The following MYEF2 variants were observed in gnomAD, a reference collection of about 807,000 sequenced individuals.
The protein encoded by MYEF2 is myelin gene expression factor 2.
A neutral mutation model predicts 75.2 loss-of-function variants in MYEF2; 37 were observed. The observed-to-expected ratio is 0.49, with a 90% CI of 0.38 to 0.65. The LOEUF is 0.65. Ranked by LOEUF, MYEF2 falls within the 30% of genes least tolerant of loss-of-function variation. MYEF2 has a pLI of 0.00. For missense variants in MYEF2, 634 were observed against 771.4 expected, an observed-to-expected ratio of 0.82 and a Z score of 2.11; for synonymous variants, 195 against 241.6, an observed-to-expected ratio of 0.81 and a Z score of 1.79.
intron 16 of MYEF2, among the ~76,000 whole-genome samples, chr15:48,145,827 A>T (rs143268507): frequency 1.1e-3 from 164 of 152,040 alleles, no homozygotes; most frequent in African/African-American, 3.6e-3. Flanking sequence ...TTTCTTTACA[A>T]ACAAAAGACA....
chr15:48,156,636 G>A (rs191744994), intron 9 of MYEF2, among the ~76,000 whole-genome samples: 60 of 151,756 alleles, frequency 4.0e-4, no homozygotes, highest in African/African-American at 1.4e-3. Context: ...ATAAAAAATA[G>A]CAAATACTTT....
intron 5 of MYEF2, among the ~76,000 whole-genome samples, chr15:48,162,470 G>A (rs2039976837): frequency 6.6e-6 from 1 of 152,140 alleles, no homozygotes; most frequent in Non-Finnish European, 1.5e-5. Context: ...GAGTTAGAGA[G>A]GTTCTCTGAT....
At chr15:48,174,678 G>A (rs1440223464) in intron 1 of MYEF2, among the ~76,000 whole-genome samples, 1 of 151,996 alleles carries the variant, frequency 6.6e-6, no homozygotes. Context: ...CGGCCAAAAG[G>A]TATATGAAAA....
At chr15:48,150,950 G>A in intron 14 of MYEF2, 150 bp downstream of exon 14, 1 of 465,352 alleles carries the variant, frequency 2.1e-6, no homozygotes, top group South Asian at 6.0e-5. Flanking sequence ...AAACAGAAAG[G>A]CTTTGCTCAA....
Position 48,157,986 on chromosome 15 carries a change from T to C in MYEF2, c.985+7A>G, listed in dbSNP as rs749437785. 1 of 1,612,818 alleles carries C rather than the reference T, an allele frequency of 6.2e-7. No homozygotes were observed. Among genetic ancestry groups the C allele is most frequent in the African/African-American group, 1.3e-5 (1 of 74,882 alleles). The stretch of plus-strand genomic sequence containing the variant: ...CTATGTTGTTTCTCATAATAGCTTT[T>C]ACTTACGTGGTAATTGTGGTGTTTT... On this transcript the variant is annotated splice_region_variant and intron_variant, in intron 9 of 16. Coordinates refer to ENST00000324324, the MANE Select transcript of MYEF2 (RefSeq NM_016132.5).
Position 48,142,142 on chromosome 15 carries a change from G to T in MYEF2, c.*766C>A. The stretch of plus-strand genomic sequence containing the variant: ...ATTTATAAATGGATCAGCTCCTGCA[G>T]AAGTAAACAGCAGAGGACTAACTTA... On this transcript the variant is annotated 3_prime_UTR_variant, in exon 17 of 17. Transcript: ENST00000324324. 1.2e-6 allele frequency: 2 copies of T among 1,613,872 alleles called. No homozygotes were observed. Among genetic ancestry groups the T allele is most frequent in the South Asian group, 2.2e-5 (2 of 91,074 alleles).
Position 48,136,461 on chromosome 15 carries a change from T to TAA in MYEF2, c.*6445_*6446dup, listed in dbSNP as rs56091519. 411 of 312,944 alleles carry TAA rather than the reference T, an allele frequency of 1.3e-3. No individual in the cohort carries two copies. Among genetic ancestry groups the TAA allele is most frequent in the East Asian group, 5.3e-3 (110 of 20,944 alleles). The allele number at this position is 312,944 out of a possible 1,614,324, so 19.4% of individuals were successfully genotyped here. On this transcript the variant is annotated 3_prime_UTR_variant, in exon 17 of 17. Coordinates refer to ENST00000324324, the MANE Select transcript of MYEF2 (RefSeq NM_016132.5). ...AAAACGAGTTTGTTGATCTTGTTTT[T>TAA]AAAAAAAAAAAAACAACACAGAAGT... is the stretch of plus-strand genomic sequence containing the variant.
intron 3 of MYEF2, 127 bp from the exon 4 acceptor site, chr15:48,166,255 CT>C: frequency 1.4e-6 from 1 of 697,360 alleles, no homozygotes; most frequent in Non-Finnish European, 2.3e-6. Flanking sequence ...ATCACTTCAT[CT>C]TTTATACCTC....
In MYEF2 at chr15:48,178,219, C is replaced by A; in HGVS notation, c.19G>T (p.Ala7Ser). 7.0e-7 allele frequency: 1 copy of A among 1,429,208 alleles called. No homozygotes were observed. The highest frequency in any genetic ancestry group is 9.1e-7 in the Non-Finnish European group (1 of 1,096,302). 88.5% of individuals were successfully genotyped at this position (1,429,208 alleles called of 1,614,324 possible). MADANK[A>S]EVPGATGGDS... ...CCACCAGTGGCCCCGGGCACCTCGG[C>A]CTTGTTGGCGTCCGCCATCCCGCCG... The change falls in exon 1 of 17, where the codon GCC becomes TCC. Residue 7 changes from alanine (A) to serine (S), a missense_variant. By Grantham distance (99) the Ala-to-Ser change is moderately conservative. Transcript: ENST00000324324.
In MYEF2 at chr15:48,141,329, A is replaced by G; in HGVS notation, c.*1579T>C. The G allele has an allele frequency of 1.2e-6, 1 of 809,888 alleles. No homozygotes were observed. The highest frequency in any genetic ancestry group is 1.9e-6 in the Non-Finnish European group (1 of 512,996). 50.2% of individuals were successfully genotyped at this position (809,888 alleles called of 1,614,324 possible). A position where few individuals can be genotyped will look rare whatever the true frequency, so the allele number is the denominator to read the frequency against. On this transcript the variant is annotated 3_prime_UTR_variant, in exon 17 of 17. Transcript: ENST00000324324. ...TGTGGTGGCTCGCGCCTGTAATCCC[A>G]GGATTTTGGGAGGCCGAGGCGGGTG...
Position 48,141,320 on chromosome 15 carries a change from T to C in MYEF2, c.*1588A>G, listed in dbSNP as rs1597275638. 1.1e-6 allele frequency: 1 copy of C among 889,440 alleles called. No individual in the cohort carries two copies. Among genetic ancestry groups the C allele is most frequent in the Non-Finnish European group, 1.7e-6 (1 of 579,234 alleles). The allele number at this position is 889,440 out of a possible 1,614,324, so 55.1% of individuals were successfully genotyped here. On this transcript the variant is annotated 3_prime_UTR_variant, in exon 17 of 17. Transcript: ENST00000324324. ...CCAGCCGGGTGTGGTGGCTCGCGCC[T>C]GTAATCCCAGGATTTTGGGAGGCCG...
chr15:48,136,805 C>T lies in MYEF2; in HGVS notation c.*6103G>A, dbSNP rs2038911329. 1 of 1,613,774 alleles carries T rather than the reference C, an allele frequency of 6.2e-7. No homozygotes were observed. The highest frequency in any genetic ancestry group is 8.5e-7 in the Non-Finnish European group (1 of 1,179,852). On this transcript the variant is annotated 3_prime_UTR_variant, in exon 17 of 17. Coordinates refer to ENST00000324324, the MANE Select transcript of MYEF2 (RefSeq NM_016132.5). Reference sequence around the variant, plus strand: ...CCTTGCTGCGCCTGTCTTGCCAAAGCTATGGAGAGAAGTGAACAACAGCCA... The same window carrying T: ...CCTTGCTGCGCCTGTCTTGCCAAAGTTATGGAGAGAAGTGAACAACAGCCA...
At chr15:48,160,436 G>A (rs1425304277) in intron 5 of MYEF2, among the ~76,000 whole-genome samples, 1 of 148,076 alleles carries the variant, frequency 6.8e-6, no homozygotes, top group East Asian at 2.0e-4. Context: ...TTTTTGTTAG[G>A]TTCATTAATT....
Position 48,149,954 on chromosome 15 carries a change from C to A in MYEF2, c.1379-583G>T, listed in dbSNP as rs2039430914. On this transcript the variant is annotated intron_variant, in intron 14 of 16. Coordinates refer to ENST00000324324, the MANE Select transcript of MYEF2 (RefSeq NM_016132.5). The surrounding 1 kb of genome is among the most constrained non-coding windows in gnomAD (Gnocchi z 4.0). ...TGGTAATTCAATACTCATAGCAAAA[C>A]ATAACTTTTAATCTCAATATTACAC... 1 of 152,064 alleles carries A rather than the reference C, an allele frequency of 6.6e-6. No individual in the cohort carries two copies. The highest frequency in any genetic ancestry group is 6.6e-5 in the Admixed American group (1 of 15,210). The allele number at this position is 152,064 out of a possible 1,614,324, so 9.4% of individuals were successfully genotyped here. A position where few individuals can be genotyped will look rare whatever the true frequency, so the allele number is the denominator to read the frequency against.
chr15:48,177,896 G>A (rs980375963), intron 1 of MYEF2, among the ~76,000 whole-genome samples, 181 bp downstream of exon 1: 5 of 152,156 alleles, frequency 3.3e-5, no homozygotes, highest in African/African-American at 1.2e-4. Context: ...CCAGGCCTGG[G>A]GCGGGCGGGG....
In MYEF2 at chr15:48,138,980, G is replaced by A. The variant is rs1454762636; in HGVS notation, c.*3928C>T. On this transcript the variant is annotated 3_prime_UTR_variant, in exon 17 of 17. Transcript: ENST00000324324. ...TTTTTCCACAACAGATCCACCAAGT[G>A]TTTTCAACATGCCTGAAGCAGACTT... 3 of 1,611,706 alleles carry A rather than the reference G, an allele frequency of 1.9e-6. No homozygotes were observed. The highest frequency in any genetic ancestry group is 2.5e-6 in the Non-Finnish European group (3 of 1,178,770).
Position 48,168,765 on chromosome 15 carries a change from C to T in MYEF2, c.236G>A (p.Arg79Lys), listed in dbSNP as rs762661300. ...CTTGTCTTTTGAATAAGGATGAAAT[C>T]TATTGGCCTTCTTACTTCCTGTAGA... ...EKSTGSKKAN[R>K]FHPYSKDKNS... Residue 79 changes from arginine (R) to lysine (K), a missense_variant, in exon 2 of 17, where the codon AGA becomes AAA. Coordinates refer to ENST00000324324, the MANE Select transcript of MYEF2 (RefSeq NM_016132.5). 2.5e-6 allele frequency: 4 copies of T among 1,613,770 alleles called. No homozygotes were observed. In the South Asian group the frequency reaches 3.3e-5, roughly 13 times the overall value.
At position 48,158,041 on chromosome 15, in the gene MYEF2, G is replaced by C; in HGVS notation, c.937C>G (p.Pro313Ala). 4.3e-6 allele frequency: 7 copies of C among 1,613,090 alleles called. No homozygotes were observed. The highest frequency in any genetic ancestry group is 5.9e-6 in the Non-Finnish European group (7 of 1,179,412). ...TCATGTGAACGGTACTCTTCATGAG[G>C]AACAGACTTGTCATCCTAATTGCAA... ...MHVKMDDKSVPHEEYRSHDGK... is the reference protein window; with the variant it reads ...MHVKMDDKSVAHEEYRSHDGK... The change falls in exon 9 of 17, where the codon CCT becomes GCT. Residue 313 changes from proline to alanine, a missense_variant. Transcript: ENST00000324324.
chr15:48,172,896 C>T (rs924165511), intron 1 of MYEF2, among the ~76,000 whole-genome samples: 5 of 152,066 alleles, frequency 3.3e-5, no homozygotes, highest in Non-Finnish European at 7.4e-5. Flanking sequence ...AAAGAGAAGC[C>T]CAGGACCTGG....
Sources: allele counts gnomAD v4.1 joint callset (sites outside exome capture counted in the v4.1 genomes callset), GRCh38; gene constraint gnomAD v4.1.1; non-coding constraint Gnocchi (gnomAD v3.1); transcripts MANE v1.5; gene names NCBI Gene and HGNC (gene_info 2026-07-23, HGNC 2026-07-21).